Variants in PLEKHM2 observed in about 807,000 individuals in gnomAD.
The protein encoded by PLEKHM2 is pleckstrin homology and RUN domain containing M2.
In PLEKHM2, 77 loss-of-function variants were observed where a neutral mutation model predicts 116.3. The ratio of observed to expected loss-of-function variants is 0.66; its 90% CI spans 0.55 to 0.80. The LOEUF is 0.80. Among genes scored for constraint, PLEKHM2 ranks in the 30% least tolerant of loss-of-function variants. The pLI is 0.00. For missense variants in PLEKHM2, 1,183 were observed against 1,354.9 expected (o/e 0.87, Z 1.99); for synonymous variants, 562 against 571.0 (o/e 0.98, Z 0.22).
At chr1:15,694,785 TCTCA>T (rs1268660110) in intron 1 of PLEKHM2, among the ~76,000 whole-genome samples, 8 of 150,664 alleles carry the variant, frequency 5.3e-5, no homozygotes, top group Non-Finnish European at 1.2e-4. Context: ...TGAGACAGAG[TCTCA>T]CTCTGTTGCC....
chr1:15,729,434 G>A lies in PLEKHM2; in HGVS notation c.2075+244G>A, dbSNP rs1441681834. On this transcript the variant is annotated intron_variant, in intron 13 of 19. Transcript: ENST00000375799. The surrounding 1 kb of genome is among the most constrained non-coding windows in gnomAD (Gnocchi z 4.7). ...ACTCTTGGGGGTGCTAGCATGAGTT[G>A]TTGGACAGGAAGGCAGGCAGAGAGC... 6.6e-6 allele frequency among the ~76,000 whole-genome samples: 1 copy of A among 152,174 alleles called. No individual in the cohort carries two copies. The highest frequency in any genetic ancestry group is 1.5e-5 in the Non-Finnish European group (1 of 68,016).
chr1:15,689,761 T>C (rs1640851001), intron 1 of PLEKHM2, among the ~76,000 whole-genome samples: 1 of 152,238 alleles, frequency 6.6e-6, no homozygotes, highest in Non-Finnish European at 1.5e-5. Context: ...GTGTTTTTTG[T>C]GTTTTTGTTT....
chr1:15,716,318 C>A lies in PLEKHM2; in HGVS notation c.142C>A (p.His48Asn). Residue 48 changes from histidine (H) to asparagine (N), a missense_variant, in exon 2 of 20, where the codon CAC (histidine) becomes AAC (asparagine). Coordinates refer to ENST00000375799, the MANE Select transcript of PLEKHM2 (RefSeq NM_015164.4). The part of the protein sequence containing the change: ...HDKVLQRLCE[H>N]LDHALLYGLQ... ...CAAGGTCCTACAGCGTCTGTGTGAG[C>A]ACCTGGACCACGCCCTGCTGTACGG... is the stretch of plus-strand genomic sequence containing the variant. 1.2e-6 allele frequency: 2 copies of A among 1,602,414 alleles called. No individual in the cohort carries two copies. The highest frequency in any genetic ancestry group is 2.2e-5 in the East Asian group (1 of 44,624).
At chr1:15,712,381 C>T (rs576026822) in intron 1 of PLEKHM2, among the ~76,000 whole-genome samples, 21 of 152,260 alleles carry the variant, frequency 1.4e-4, no homozygotes, top group East Asian at 3.9e-4. Context: ...ACATTCTAGA[C>T]GGCCAGGTGG....
intron 18 of PLEKHM2, 35 bp from the exon 19 acceptor site, chr1:15,732,577 T>C: frequency 6.2e-7 from 1 of 1,600,940 alleles, no homozygotes; most frequent in Non-Finnish European, 8.5e-7. Flanking sequence ...GAAGGAAAGC[T>C]CTGGCTGCTC....
At chr1:15,688,176 T>C (rs1280800205) in intron 1 of PLEKHM2, among the ~76,000 whole-genome samples, 1 of 152,200 alleles carries the variant, frequency 6.6e-6, no homozygotes, top group Non-Finnish European at 1.5e-5. Flanking sequence ...CAAGGAGTAT[T>C]GTTGAGTTCA....
At chr1:15,695,361 G>C (rs980271224) in intron 1 of PLEKHM2, among the ~76,000 whole-genome samples, 1 of 152,170 alleles carries the variant, frequency 6.6e-6, no homozygotes, top group African/African-American at 2.4e-5. Flanking sequence ...TGAGGCATGA[G>C]AGTCCTGAAC....
chr1:15,681,713 T>G, upstream of PLEKHM2: 4 of 409,702 alleles, frequency 9.8e-6, no homozygotes, highest in South Asian at 6.8e-5. Context: ...AGTAGGAGGC[T>G]ATTTCTACTC....
In PLEKHM2 at chr1:15,728,314, G is replaced by C. The variant is rs761638211; in HGVS notation, c.1878G>C (p.Leu626=). The change falls in exon 11 of 20, where the codon CTG becomes CTC. Residue 626 remains leucine, a synonymous_variant. Coordinates refer to ENST00000375799, the MANE Select transcript of PLEKHM2 (RefSeq NM_015164.4). This position sits in a 1 kb window ranked among gnomAD's most constrained non-coding sequence, Gnocchi z 5.9. Reference sequence around the variant, plus strand: ...ACATGGAGGGCAACCTGCAGCTGCTGTACGTGCTGCTCACAGACTGCTATG... The same window carrying C: ...ACATGGAGGGCAACCTGCAGCTGCTCTACGTGCTGCTCACAGACTGCTATG... ...TGHMEGNLQL[L]YVLLTDCYVY... 2 of 1,613,264 alleles carry C rather than the reference G, an allele frequency of 1.2e-6. No homozygotes were observed. The highest frequency in any genetic ancestry group is 1.3e-5 in the African/African-American group (1 of 75,074).
Position 15,728,468 on chromosome 1 carries a change from A to C in PLEKHM2, c.1921+111A>C. On this transcript the variant is annotated intron_variant, in intron 11 of 19. Coordinates refer to ENST00000375799, the MANE Select transcript of PLEKHM2 (RefSeq NM_015164.4). This position sits in a 1 kb window ranked among gnomAD's most constrained non-coding sequence, Gnocchi z 5.9. The stretch of plus-strand genomic sequence containing the variant: ...CCTCCCGGCTGCCTGGCATGCAGTG[A>C]TGGAAAGGCACCCCAAGGAAGGTGT... 1 of 1,075,960 alleles carries C rather than the reference A, an allele frequency of 9.3e-7. No individual in the cohort carries two copies. The highest frequency in any genetic ancestry group is 2.3e-5 in the Admixed American group (1 of 43,704). The allele number at this position is 1,075,960 out of a possible 1,614,324, so 66.7% of individuals were successfully genotyped here.
intron 1 of PLEKHM2, among the ~76,000 whole-genome samples, chr1:15,711,925 C>T (rs1328815852): frequency 6.6e-6 from 1 of 151,746 alleles, no homozygotes; most frequent in Non-Finnish European, 1.5e-5. Context: ...TCAAGACCAG[C>T]CTGACCAACA....
chr1:15,698,128 G>A (rs779873021), intron 1 of PLEKHM2, among the ~76,000 whole-genome samples: 2 of 152,202 alleles, frequency 1.3e-5, no homozygotes, highest in Non-Finnish European at 2.9e-5. Flanking sequence ...CTGGGCACAC[G>A]CCCTTCCTGG....
intron 4 of PLEKHM2, among the ~76,000 whole-genome samples, chr1:15,718,204 C>T (rs1158392211): frequency 6.6e-6 from 1 of 152,238 alleles, no homozygotes; most frequent in South Asian, 2.1e-4. Context: ...GCTCCCTGGT[C>T]CTCCTCCCAG....
chr1:15,721,042 C>T lies in PLEKHM2; in HGVS notation c.653-287C>T, dbSNP rs1417341095. 7.8e-6 allele frequency: 3 copies of T among 386,400 alleles called. No individual in the cohort carries two copies. Among genetic ancestry groups the T allele is most frequent in the Non-Finnish European group, 1.4e-5 (3 of 215,852 alleles). The allele number at this position is 386,400 out of a possible 1,614,324, so 23.9% of individuals were successfully genotyped here. ...GTAAGAGGTAGAAAACAAAGCTAGGCACAGGCAGCCAGGCTTCTCTCTGCC... is the reference window on the plus strand; with the variant it reads ...GTAAGAGGTAGAAAACAAAGCTAGGTACAGGCAGCCAGGCTTCTCTCTGCC... On this transcript the variant is annotated intron_variant, in intron 6 of 19. Coordinates refer to ENST00000375799, the MANE Select transcript of PLEKHM2 (RefSeq NM_015164.4). The surrounding 1 kb of genome is among the most constrained non-coding windows in gnomAD (Gnocchi z 5.1).
chr1:15,723,415 C>T (rs1354521610), intron 7 of PLEKHM2: 1 of 151,024 alleles, frequency 6.6e-6, no homozygotes, highest in Non-Finnish European at 1.5e-5. Flanking sequence ...CCTTTAGCCT[C>T]CTCTTTTGTC....
rs1051983781 is a variant in PLEKHM2 at position 15,728,180 on chromosome 1, G to C, written c.1830+32G>C. On this transcript the variant is annotated intron_variant, in intron 10 of 19. Coordinates refer to ENST00000375799, the MANE Select transcript of PLEKHM2 (RefSeq NM_015164.4). The surrounding 1 kb of genome is among the most constrained non-coding windows in gnomAD (Gnocchi z 5.9). ...CCTAGGAACTCAGGAGTGAGCAAGA[G>C]ACGGCAAGGGCAAGGCGGGATGGGC... The C allele has an allele frequency of 1.2e-6, 2 of 1,607,630 alleles. No homozygotes were observed. Among genetic ancestry groups the C allele is most frequent in the Middle Eastern group, 1.7e-4 (1 of 6,052 alleles).
In PLEKHM2 at chr1:15,718,559, C is replaced by T. The variant is rs570703770; in HGVS notation, c.399C>T (p.His133=). The T allele has an allele frequency of 1.3e-4, 201 of 1,575,932 alleles. No individual in the cohort carries two copies. In the South Asian group the frequency reaches 2.0e-3, roughly 16 times the overall value. The change falls in exon 5 of 20, where the codon CAC becomes CAT. Residue 133 remains histidine, a synonymous_variant. Coordinates refer to ENST00000375799, the MANE Select transcript of PLEKHM2 (RefSeq NM_015164.4). ...YYVKNALVCS[H]DHLTLFLTLV... is the part of the protein sequence containing the mutation. ...GCAGGAATGCCCTGGTCTGCAGCCACGATCACCTGACGCTCTTCCTGACCT... is the reference window on the plus strand; with the variant it reads ...GCAGGAATGCCCTGGTCTGCAGCCATGATCACCTGACGCTCTTCCTGACCT...
At chr1:15,713,638 T>G (rs947497935) in intron 1 of PLEKHM2, among the ~76,000 whole-genome samples, 11 of 152,032 alleles carry the variant, frequency 7.2e-5, no homozygotes, top group African/African-American at 2.2e-4. Context: ...TTGTTTGTTT[T>G]TTGTTTTTTG....
At chr1:15,701,891 C>T (rs1641121633) in intron 1 of PLEKHM2, among the ~76,000 whole-genome samples, 1 of 152,206 alleles carries the variant, frequency 6.6e-6, no homozygotes, top group Non-Finnish European at 1.5e-5. Context: ...AGCACTGGCC[C>T]TTCCCTTACA....
Sources: gnomAD v4.1 joint callset for allele counts (sites outside exome capture counted in the v4.1 genomes callset) on GRCh38, gnomAD v4.1.1 for gene constraint, Gnocchi (gnomAD v3.1) non-coding constraint, MANE v1.5 for transcripts, NCBI Gene and HGNC (gene_info 2026-07-23, HGNC 2026-07-21) for gene names.